HACD4: variants seen among roughly 807,000 people sequenced by gnomAD.
HACD4 encodes the protein very-long-chain (3R)-3-hydroxyacyl-CoA dehydratase 4.
A neutral mutation model predicts 33.3 loss-of-function variants in HACD4; 35 were observed. The ratio of observed to expected loss-of-function variants is 1.05; its 90% CI spans 0.80 to 1.39. The LOEUF (loss-of-function observed/expected upper bound fraction) is 1.39. Ranked by LOEUF, HACD4 falls within the 40% of genes most tolerant of loss-of-function variation. The pLI is 0.00. For missense variants in HACD4, 323 were observed against 276.5 expected (o/e 1.17, Z -1.19); for synonymous variants, 118 against 98.0 (o/e 1.20, Z -1.21).
At chr9:21,007,909 GC>G in intron 6 of HACD4, 111 bp downstream of exon 6, 1 of 908,596 alleles carries the variant, frequency 1.1e-6, no homozygotes, top group Non-Finnish European at 1.6e-6. Context: ...ATGATGTCAG[GC>G]TTCCTCTTTG....
At chr9:21,029,242 G>T in intron 2 of HACD4, 53 bp downstream of exon 2, 1 of 986,300 alleles carries the variant, frequency 1.0e-6, no homozygotes, top group South Asian at 1.4e-5. Context: ...AGCAGGATGA[G>T]GTGAAAACAA....
At position 21,000,287 on chromosome 9, in the gene HACD4, C is replaced by A. The variant is rs780721525; in HGVS notation, c.*6750G>T. The A allele has an allele frequency of 1.4e-4, 21 of 152,114 alleles. No individual in the cohort carries two copies. Among genetic ancestry groups the A allele is most frequent in the Non-Finnish European group, 2.6e-4 (18 of 68,008 alleles). 9.4% of individuals were successfully genotyped at this position (152,114 alleles called of 1,614,324 possible). The stretch of plus-strand genomic sequence containing the variant: ...TGGCATGTTAAAAACATGTTCAGAA[C>A]TACTATTTAAGGATTTTTAAAGCCA... On this transcript the variant is annotated 3_prime_UTR_variant, in exon 7 of 7. Transcript: ENST00000495827.
chr9:21,002,619 AG>A lies in HACD4; in HGVS notation c.*4417del, dbSNP rs1309955446. ...GGTATAAGTTTTGCAAGGTAAAAAA[AG>A]TTCTGGAGATGGACAGTGGTGATGG... On this transcript the variant is annotated 3_prime_UTR_variant, in exon 7 of 7. Coordinates refer to ENST00000495827, the MANE Select transcript of HACD4 (RefSeq NM_001010915.5). The A allele has an allele frequency of 6.6e-6, 1 of 152,156 alleles. No homozygotes were observed. The highest frequency in any genetic ancestry group is 1.9e-4 in the East Asian group (1 of 5,206). The allele number at this position is 152,156 out of a possible 1,614,324, so 9.4% of individuals were successfully genotyped here. A position where few individuals can be genotyped will look rare whatever the true frequency, so the allele number is the denominator to read the frequency against.
chr9:21,024,469 A>G (rs547048575), intron 3 of HACD4, among the ~76,000 whole-genome samples: 3 of 152,364 alleles, frequency 2.0e-5, no homozygotes, highest in African/African-American at 7.2e-5. Flanking sequence ...TTGCCAAACC[A>G]AGATTTGGTT....
At position 21,004,948 on chromosome 9, in the gene HACD4, A is replaced by G. The variant is rs1587821296; in HGVS notation, c.*2089T>C. 1 of 152,186 alleles carries G rather than the reference A, an allele frequency of 6.6e-6. No homozygotes were observed. Among genetic ancestry groups the G allele is most frequent in the South Asian group, 2.1e-4 (1 of 4,830 alleles). The allele number at this position is 152,186 out of a possible 1,614,324, so 9.4% of individuals were successfully genotyped here. On this transcript the variant is annotated 3_prime_UTR_variant, in exon 7 of 7. Transcript: ENST00000495827. This position sits in a 1 kb window ranked among gnomAD's most constrained non-coding sequence, Gnocchi z 4.6. Reference sequence around the variant, plus strand: ...TAGAGGTGATTTTGGTGAGGGCTCAAAGAGAAGAGGGTGGGAGAGAAAGCC... The same window carrying G: ...TAGAGGTGATTTTGGTGAGGGCTCAGAGAGAAGAGGGTGGGAGAGAAAGCC...
rs1358144636 is a variant in HACD4, at chr9:21,003,738, A to G, written c.*3299T>C. 1 of 152,194 alleles carries G rather than the reference A, an allele frequency of 6.6e-6. No homozygotes were observed. The highest frequency in any genetic ancestry group is 1.9e-4 in the East Asian group (1 of 5,202). The allele number at this position is 152,194 out of a possible 1,614,324, so 9.4% of individuals were successfully genotyped here. A position where few individuals can be genotyped will look rare whatever the true frequency, so the allele number is the denominator to read the frequency against. On this transcript the variant is annotated 3_prime_UTR_variant, in exon 7 of 7. Transcript: ENST00000495827. ...TTACCAAAAATTGAGTGATACATCAATGATACAGCAATGACTATCAGTTAT... is the reference window on the plus strand; with the variant it reads ...TTACCAAAAATTGAGTGATACATCAGTGATACAGCAATGACTATCAGTTAT...
chr9:21,026,721 A>C lies in HACD4; in HGVS notation c.145T>G (p.Ser49Ala). 6.2e-7 allele frequency: 1 copy of C among 1,613,292 alleles called. No individual in the cohort carries two copies. The change falls in exon 3 of 7, where the codon TCA becomes GCA. Residue 49 changes from serine to alanine, a missense_variant and splice_region_variant. By Grantham distance (99) the Ser-to-Ala change is moderately conservative. Transcript: ENST00000495827. ...TVRFFSFGKD[S>A]MVDTFYAIGL... Reference sequence around the variant, plus strand: ...ATAGCATAAAAAGTGTCAACCATTGAATCTGTATCCCGTGGGTTAAAAATG... The same window carrying C: ...ATAGCATAAAAAGTGTCAACCATTGCATCTGTATCCCGTGGGTTAAAAATG...
chr9:21,000,886 A>G lies in HACD4; in HGVS notation c.*6151T>C, dbSNP rs1193311486. 1 of 152,122 alleles carries G rather than the reference A, an allele frequency of 6.6e-6. No homozygotes were observed. The highest frequency in any genetic ancestry group is 1.5e-5 in the Non-Finnish European group (1 of 67,978). 9.4% of individuals were successfully genotyped at this position (152,122 alleles called of 1,614,324 possible). ...GGACATTGAGATTGTATCTATTTGT[A>G]CTTCTGAAATAAATACAGTTTCTCA... On this transcript the variant is annotated 3_prime_UTR_variant, in exon 7 of 7. Transcript: ENST00000495827.
intron 3 of HACD4, among the ~76,000 whole-genome samples, chr9:21,024,797 A>C (rs1371482876): frequency 6.6e-6 from 1 of 152,216 alleles, no homozygotes; most frequent in Non-Finnish European, 1.5e-5. Flanking sequence ...TTAGCCTAAA[A>C]AAGTAAAAAG....
chr9:21,024,586 T>C (rs1818015738), intron 3 of HACD4, among the ~76,000 whole-genome samples: 1 of 152,242 alleles, frequency 6.6e-6, no homozygotes, highest in Non-Finnish European at 1.5e-5. Context: ...TTCTAAGTTA[T>C]ATAATAATTT....
rs1455616620 is a variant in HACD4 at position 21,015,930 on chromosome 9, T to C, written c.351A>G (p.Leu117=). The part of the protein sequence containing the change: ...EVQEKYVVCV[L]FVFWNLLDMV... ...TATCCAATAGATTCCAAAAGACGAA[T>C]AAAACACACACCACATATTTCTCTT... The change falls in exon 4 of 7, where the codon TTA becomes TTG. Residue 117 remains leucine (L), a synonymous_variant. Transcript: ENST00000495827. The C allele has an allele frequency of 1.9e-6, 3 of 1,612,750 alleles. No homozygotes were observed. Among genetic ancestry groups the C allele is most frequent in the South Asian group, 1.1e-5 (1 of 91,050 alleles).
At chr9:21,025,107 A>C (rs896203553) in intron 3 of HACD4, among the ~76,000 whole-genome samples, 3 of 152,174 alleles carry the variant, frequency 2.0e-5, no homozygotes, top group African/African-American at 7.2e-5. Context: ...AGGGAATTCC[A>C]TCTAGGTCTT....
At chr9:21,025,444 A>G (rs770484004) in intron 3 of HACD4, among the ~76,000 whole-genome samples, 1 of 152,182 alleles carries the variant, frequency 6.6e-6, no homozygotes, top group Non-Finnish European at 1.5e-5. Context: ...TGGCAACACC[A>G]TAAAATTCTG....
At chr9:21,009,343 A>G (rs1842354067) in intron 5 of HACD4, among the ~76,000 whole-genome samples, 1 of 152,146 alleles carries the variant, frequency 6.6e-6, no homozygotes, top group African/African-American at 2.4e-5. Flanking sequence ...TGTAATTGCA[A>G]GAATAAGTTT....
rs939594624 is a variant in HACD4 at position 21,004,861 on chromosome 9, G to T, written c.*2176C>A. ...TACTAGAGTACCTGGAAGAGTACTG[G>T]AAGAGTTTTGAGGTACTAGTTTTTT... On this transcript the variant is annotated 3_prime_UTR_variant, in exon 7 of 7. Coordinates refer to ENST00000495827, the MANE Select transcript of HACD4 (RefSeq NM_001010915.5). The surrounding 1 kb of genome is among the most constrained non-coding windows in gnomAD (Gnocchi z 4.6). 4.6e-5 allele frequency: 7 copies of T among 152,204 alleles called. No individual in the cohort carries two copies. Among genetic ancestry groups the T allele is most frequent in the African/African-American group, 1.7e-4 (7 of 41,438 alleles). 9.4% of individuals were successfully genotyped at this position (152,204 alleles called of 1,614,324 possible). A position where few individuals can be genotyped will look rare whatever the true frequency, so the allele number is the denominator to read the frequency against.
Position 21,001,216 on chromosome 9 carries a change from CA to C in HACD4, c.*5820del, listed in dbSNP as rs1842161976. 1 of 151,518 alleles carries C rather than the reference CA, an allele frequency of 6.6e-6. No homozygotes were observed. The highest frequency in any genetic ancestry group is 2.4e-5 in the African/African-American group (1 of 41,210). 9.4% of individuals were successfully genotyped at this position (151,518 alleles called of 1,614,324 possible). ...AAAAGTCAAAAAACCAATGGATGAA[CA>C]AAATGGTAATATCAATATAGAGAAA... On this transcript the variant is annotated 3_prime_UTR_variant, in exon 7 of 7. Coordinates refer to ENST00000495827, the MANE Select transcript of HACD4 (RefSeq NM_001010915.5).
rs935454293 is a variant in HACD4 at position 21,002,664 on chromosome 9, TTAC to T, written c.*4370_*4372del. The T allele has an allele frequency of 1.3e-5, 2 of 152,120 alleles. No individual in the cohort carries two copies. The highest frequency in any genetic ancestry group is 4.8e-5 in the African/African-American group (2 of 41,434). The allele number at this position is 152,120 out of a possible 1,614,324, so 9.4% of individuals were successfully genotyped here. A position where few individuals can be genotyped will look rare whatever the true frequency, so the allele number is the denominator to read the frequency against. On this transcript the variant is annotated 3_prime_UTR_variant, in exon 7 of 7. Transcript: ENST00000495827. ...GTGATGGTTGCACAATATAAATTAC[TTAC>T]TACTACTGAACTGCACACTTAAAAA...
chr9:21,029,913 G>T (rs1818163839), intron 1 of HACD4, among the ~76,000 whole-genome samples: 1 of 152,028 alleles, frequency 6.6e-6, no homozygotes. Flanking sequence ...CGCTAGCCTG[G>T]GGAAAGATTA....
Position 21,003,189 on chromosome 9 carries a change from T to C in HACD4, c.*3848A>G, listed in dbSNP as rs1178924882. ...CCTCATTTCTGTTTTAAAATAATTA[T>C]AAATTCACTTGTGTTTCTTTTGGTT... On this transcript the variant is annotated 3_prime_UTR_variant, in exon 7 of 7. Coordinates refer to ENST00000495827, the MANE Select transcript of HACD4 (RefSeq NM_001010915.5). The C allele has an allele frequency of 3.9e-5, 6 of 152,304 alleles. No individual in the cohort carries two copies. The highest frequency in any genetic ancestry group is 2.1e-4 in the South Asian group (1 of 4,832). The allele number at this position is 152,304 out of a possible 1,614,324, so 9.4% of individuals were successfully genotyped here. A position where few individuals can be genotyped will look rare whatever the true frequency, so the allele number is the denominator to read the frequency against.
Sources: allele counts gnomAD v4.1 joint callset (sites outside exome capture counted in the v4.1 genomes callset), GRCh38; gene constraint gnomAD v4.1.1; non-coding constraint Gnocchi (gnomAD v3.1); transcripts MANE v1.5; gene names NCBI Gene and HGNC (gene_info 2026-07-23, HGNC 2026-07-21).